Variants in SLC4A10 observed in about 807,000 individuals in gnomAD.
SLC4A10 encodes the protein solute carrier family 4 member 10, also known as sodium-driven chloride bicarbonate exchanger.
Under a neutral mutation model 137.7 loss-of-function variants are expected in SLC4A10, and 42 were observed. That is an observed-to-expected ratio of 0.30 (90% CI 0.24 to 0.39). SLC4A10 has a LOEUF of 0.39. Ranked by LOEUF, SLC4A10 falls within the 10% of genes least tolerant of loss-of-function variation. SLC4A10 has a pLI of 1.00. For missense variants in SLC4A10, 925 were observed against 1,355.0 expected, an observed-to-expected ratio of 0.68 and a Z score of 4.98; for synonymous variants, 474 against 464.1, an observed-to-expected ratio of 1.02 and a Z score of -0.27.
chr2:161,778,677 A>G (rs914422637), intron 2 of SLC4A10, among the ~76,000 whole-genome samples: 1 of 152,000 alleles, frequency 6.6e-6, no homozygotes, highest in Non-Finnish European at 1.5e-5. Context: ...TTACATTTTA[A>G]TCTGATATTC....
At position 161,771,000 on chromosome 2, in the gene SLC4A10, A is replaced by G; in HGVS notation, c.76A>G (p.Arg26Gly). The G allele has an allele frequency of 6.2e-7, 1 of 1,606,526 alleles. No homozygotes were observed. The highest frequency in any genetic ancestry group is 8.5e-7 in the Non-Finnish European group (1 of 1,175,970). The change falls in exon 2 of 27, where the codon AGA becomes GGA. Residue 26 changes from arginine (R) to glycine (G), a missense_variant. Transcript: ENST00000446997. The stretch of plus-strand genomic sequence containing the variant: ...AAATGATGAAGAAGCAGTTGTGGAT[A>G]GAGGTGGAACTCGTTCTATTCTCAA... ...TRNDEEAVVDRGGTRSILKTH... is the reference protein window; with the variant it reads ...TRNDEEAVVDGGGTRSILKTH...
Position 161,976,755 on chromosome 2 carries a change from T to C in SLC4A10, c.3228-5T>C. On this transcript the variant is annotated splice_polypyrimidine_tract_variant and splice_region_variant and intron_variant, in intron 24 of 26. Coordinates refer to ENST00000446997, the MANE Select transcript of SLC4A10 (RefSeq NM_001178015.2). ...ATTATTTCATTTGGGGAAACTCCTGTCTAGAGATGATCCATCTGTGATCAA... is the reference window on the plus strand; with the variant it reads ...ATTATTTCATTTGGGGAAACTCCTGCCTAGAGATGATCCATCTGTGATCAA... 1.3e-6 allele frequency: 2 copies of C among 1,508,078 alleles called. No homozygotes were observed. The highest frequency in any genetic ancestry group is 1.8e-6 in the Non-Finnish European group (2 of 1,112,798). 93.4% of individuals were successfully genotyped at this position (1,508,078 alleles called of 1,614,324 possible).
intron 26 of SLC4A10, among the ~76,000 whole-genome samples, chr2:161,979,728 A>G (rs1439617664): frequency 2.0e-5 from 3 of 152,202 alleles, no homozygotes; most frequent in Non-Finnish European, 2.9e-5. Context: ...TAGAGTATCC[A>G]TTGGCAAAAA....
intron 1 of SLC4A10, among the ~76,000 whole-genome samples, chr2:161,686,140 G>A (rs1197100529): frequency 6.6e-6 from 1 of 152,036 alleles, no homozygotes; most frequent in African/African-American, 2.4e-5. Context: ...GACAAATTTG[G>A]AAAAAGATTT....
rs141436339 is a variant in SLC4A10 at position 161,841,977 on chromosome 2, A to G, written c.416+2050A>G. Among the ~76,000 whole-genome samples, 8 of 152,232 alleles carry G rather than the reference A, an allele frequency of 5.3e-5. No homozygotes were observed. In the East Asian group the frequency reaches 9.6e-4, roughly 18 times the overall value. ...GTTCATATCTTATCTTTTCCACTTCATATATTTGGAACATTTTCCATATCA... is the reference window on the plus strand; with the variant it reads ...GTTCATATCTTATCTTTTCCACTTCGTATATTTGGAACATTTTCCATATCA... On this transcript the variant is annotated intron_variant, in intron 4 of 26. Transcript: ENST00000446997.
intron 1 of SLC4A10, among the ~76,000 whole-genome samples, chr2:161,658,883 G>A (rs1558964942): frequency 6.6e-6 from 1 of 152,074 alleles, no homozygotes; most frequent in Non-Finnish European, 1.5e-5. Context: ...GAGCCACCGA[G>A]CCTGGCCAGT....
intron 4 of SLC4A10, among the ~76,000 whole-genome samples, chr2:161,851,445 A>G (rs995989296): frequency 5.9e-5 from 9 of 152,172 alleles, no homozygotes; most frequent in African/African-American, 2.2e-4. Flanking sequence ...TGTTTAATTG[A>G]ACACTTTATT....
At chr2:161,676,385 T>G (rs1225125435) in intron 1 of SLC4A10, among the ~76,000 whole-genome samples, 2 of 152,192 alleles carry the variant, frequency 1.3e-5, no homozygotes, top group East Asian at 3.9e-4. Flanking sequence ...ATTTATTGCC[T>G]ATTTTTTGCT....
In SLC4A10 at chr2:161,624,515, A is replaced by G; in HGVS notation, c.-4A>G. The G allele has an allele frequency of 6.4e-7, 1 of 1,553,608 alleles. No individual in the cohort carries two copies. The highest frequency in any genetic ancestry group is 8.7e-7 in the Non-Finnish European group (1 of 1,148,148). On this transcript the variant is annotated 5_prime_UTR_variant, in exon 1 of 27. Coordinates refer to ENST00000446997, the MANE Select transcript of SLC4A10 (RefSeq NM_001178015.2). ...AGGTGCTTATTCCAGAGGCGTTACA[A>G]AACATGGAGATTAAAGACCAGGGAG...
intron 13 of SLC4A10, 125 bp from the exon 14 acceptor site, chr2:161,904,651 C>G (rs1683922924): frequency 1.7e-6 from 2 of 1,177,514 alleles, no homozygotes; most frequent in Non-Finnish European, 2.4e-6. Context: ...ACGTCTTGCC[C>G]AGGGTTGCTA....
At chr2:161,886,738 A>G (rs375655558) in intron 10 of SLC4A10, among the ~76,000 whole-genome samples, 1 of 152,192 alleles carries the variant, frequency 6.6e-6, no homozygotes, top group Non-Finnish European at 1.5e-5. Context: ...TCAGGAAGAA[A>G]AAAATTGTTT....
intron 1 of SLC4A10, among the ~76,000 whole-genome samples, chr2:161,767,560 A>G (rs183910258): frequency 3.3e-5 from 5 of 151,876 alleles, no homozygotes; most frequent in Admixed American, 2.0e-4. Context: ...CTCTGCTCTT[A>G]TGGGGGTTTT....
rs1018261625 is a variant in SLC4A10, at chr2:161,821,879, T to C, written c.277+17284T>C. ...CTAATACCTATAAAATCATTTCTAT[T>C]TTAAAGAATGAAGGCCTGATACAGG... On this transcript the variant is annotated intron_variant, in intron 3 of 26. Coordinates refer to ENST00000446997, the MANE Select transcript of SLC4A10 (RefSeq NM_001178015.2). Among the ~76,000 whole-genome samples the C allele has an allele frequency of 6.6e-5, 10 of 152,286 alleles. No homozygotes were observed. In the South Asian group the frequency reaches 2.1e-3, roughly 32 times the overall value.
chr2:161,854,660 G>A (rs896136632), intron 4 of SLC4A10, among the ~76,000 whole-genome samples: 7 of 152,068 alleles, frequency 4.6e-5, no homozygotes, highest in African/African-American at 9.7e-5. Flanking sequence ...CTTTATTAGT[G>A]CTACATAAGA....
chr2:161,676,622 C>G (rs1559006560), intron 1 of SLC4A10, among the ~76,000 whole-genome samples: 1 of 152,136 alleles, frequency 6.6e-6, no homozygotes, highest in Non-Finnish European at 1.5e-5. Flanking sequence ...TTGACATAAA[C>G]TGGGTGTAAT....
At chr2:161,663,958 C>G (rs1320462972) in intron 1 of SLC4A10, among the ~76,000 whole-genome samples, 1 of 151,936 alleles carries the variant, frequency 6.6e-6, no homozygotes, top group Non-Finnish European at 1.5e-5. Context: ...TTGTTTTCCT[C>G]CTGCCAAGAA....
intron 23 of SLC4A10, among the ~76,000 whole-genome samples, chr2:161,970,570 G>C (rs538026751): frequency 6.6e-6 from 1 of 152,226 alleles, no homozygotes; most frequent in South Asian, 2.1e-4. Context: ...TAAAATTGCT[G>C]AATATTTTCC....
At chr2:161,729,771 T>C (rs1399648969) in intron 1 of SLC4A10, among the ~76,000 whole-genome samples, 1 of 152,160 alleles carries the variant, frequency 6.6e-6, no homozygotes, top group African/African-American at 2.4e-5. Context: ...TTAAAAGACA[T>C]GTCAGATTAG....
At chr2:161,965,697 A>AGTAGAT (rs1697456265) in intron 23 of SLC4A10, among the ~76,000 whole-genome samples, 1 of 152,180 alleles carries the variant, frequency 6.6e-6, no homozygotes, top group Non-Finnish European at 1.5e-5. Flanking sequence ...TTTAAGATTG[A>AGTAGAT]GTAGATGTTG....
Sources: allele counts gnomAD v4.1 joint callset (sites outside exome capture counted in the v4.1 genomes callset), GRCh38; gene constraint gnomAD v4.1.1; transcripts MANE v1.5; gene names NCBI Gene and HGNC (gene_info 2026-07-23, HGNC 2026-07-21).